The following NCKAP5 variants were observed in gnomAD, a reference collection of about 807,000 sequenced individuals.
NCKAP5 encodes nck-associated protein 5.
In NCKAP5, 92 loss-of-function variants were observed where a neutral mutation model predicts 167.0. The ratio of observed to expected loss-of-function variants is 0.55; its 90% CI spans 0.47 to 0.66. The LOEUF (loss-of-function observed/expected upper bound fraction) is 0.66. Ranked by LOEUF, NCKAP5 falls within the 30% of genes least tolerant of loss-of-function variation. The probability of loss-of-function intolerance (pLI) is 0.00; values close to 1 mark genes in which losing one functional copy is unlikely to be tolerated. For synonymous variants in NCKAP5, 891 were observed against 877.4 expected (o/e 1.02, Z -0.27); for missense variants, 2,378 against 2,315.0 (o/e 1.03, Z -0.56).
At chr2:133,532,862 T>G (rs1356790102) in intron 2 of NCKAP5, among the ~76,000 whole-genome samples, 1 of 152,186 alleles carries the variant, frequency 6.6e-6, no homozygotes, top group Non-Finnish European at 1.5e-5. Context: ...ATTTTAGTAT[T>G]TTTCATTGTC....
intron 4 of NCKAP5, among the ~76,000 whole-genome samples, chr2:133,237,384 G>A (rs2087472634): frequency 6.6e-6 from 1 of 152,050 alleles, no homozygotes; most frequent in Admixed American, 6.6e-5. Flanking sequence ...TAAAAGGATA[G>A]CAAAAGAATA....
chr2:133,266,359 G>T (rs1328477286), intron 4 of NCKAP5: 1 of 153,362 alleles, frequency 6.5e-6, no homozygotes, highest in Non-Finnish European at 1.4e-5. Context: ...GGCAGAGAGG[G>T]GTCAAGGAGA....
At chr2:132,741,477 G>C (rs1679187146) in intron 16 of NCKAP5, among the ~76,000 whole-genome samples, 1 of 152,038 alleles carries the variant, frequency 6.6e-6, no homozygotes, top group Admixed American at 6.6e-5. Context: ...TCTGACTTAG[G>C]AACTCACAGT....
At chr2:133,310,591 G>A (rs555680510) in intron 3 of NCKAP5, among the ~76,000 whole-genome samples, 2 of 152,304 alleles carry the variant, frequency 1.3e-5, no homozygotes, top group South Asian at 4.1e-4. Flanking sequence ...AGCATGGCCT[G>A]TGCTGCTCAA....
At chr2:133,207,141 C>A (rs1384947547) in intron 5 of NCKAP5, among the ~76,000 whole-genome samples, 1 of 152,098 alleles carries the variant, frequency 6.6e-6, no homozygotes, top group African/African-American at 2.4e-5. Flanking sequence ...TGCACCCCCT[C>A]CCCTTTTAAA....
At chr2:133,525,799 C>A (rs1005901945) in intron 2 of NCKAP5, among the ~76,000 whole-genome samples, 1 of 152,230 alleles carries the variant, frequency 6.6e-6, no homozygotes, top group Admixed American at 6.5e-5. Flanking sequence ...ATCAAGCCAG[C>A]TGTCCCATGT....
chr2:132,773,836 A>T lies in NCKAP5; in HGVS notation c.5108T>A (p.Val1703Glu), dbSNP rs773305976. Residue 1703 changes from valine to glutamate, a missense_variant, in exon 16 of 20, where the codon GTA (valine) becomes GAA (glutamate). Physicochemically the swap from Val to Glu is moderately radical, Grantham distance 121. This residue lies in a region of NCKAP5 where 1,325 missense variants were observed against 1,274.5 expected (regional missense o/e 1.04). Transcript: ENST00000409261. Reference protein sequence around the residue: ...EDEDDAVADSVFQSHIIESNC... With the variant: ...EDEDDAVADSEFQSHIIESNC... ...TTTACCTATGATGTGGCTCTGAAATACAGAATCTGCAACTGCATCGTCTTC... is the reference window on the plus strand; with the variant it reads ...TTTACCTATGATGTGGCTCTGAAATTCAGAATCTGCAACTGCATCGTCTTC... 90 of 1,611,444 alleles carry T rather than the reference A, an allele frequency of 5.6e-5. No individual in the cohort carries two copies. Among genetic ancestry groups the T allele is most frequent in the Non-Finnish European group, 7.5e-5 (89 of 1,179,170 alleles).
At chr2:132,953,024 T>C (rs1044881402) in intron 8 of NCKAP5, among the ~76,000 whole-genome samples, 5 of 152,220 alleles carry the variant, frequency 3.3e-5, no homozygotes, top group African/African-American at 1.2e-4. Flanking sequence ...GTTTTAAACA[T>C]AGATGTTGTT....
chr2:132,723,826 G>C (rs530733880), intron 19 of NCKAP5, among the ~76,000 whole-genome samples: 113 of 152,248 alleles, frequency 7.4e-4, no homozygotes, highest in African/African-American at 2.6e-3. Flanking sequence ...AGTTGATCCT[G>C]CTTCTTCAGT....
intron 8 of NCKAP5, among the ~76,000 whole-genome samples, chr2:132,893,284 C>T (rs890302431): frequency 1.3e-5 from 2 of 152,192 alleles, no homozygotes; most frequent in Admixed American, 6.5e-5. Context: ...TAGCTTCTGA[C>T]CCAGCAACGC....
intron 3 of NCKAP5, among the ~76,000 whole-genome samples, chr2:133,373,281 A>G (rs1685921088): frequency 6.6e-6 from 1 of 151,786 alleles, no homozygotes; most frequent in Non-Finnish European, 1.5e-5. Flanking sequence ...CTGGTCTTGA[A>G]CTCCAGGCCT....
At chr2:133,465,694 T>C (rs200529535) in intron 3 of NCKAP5, among the ~76,000 whole-genome samples, 11,937 of 151,850 alleles carry the variant, frequency 0.079, 931 homozygotes, top group East Asian at 0.39. Flanking sequence ...TTTTAATGAT[T>C]GCCATTCTAA....
intron 16 of NCKAP5, among the ~76,000 whole-genome samples, chr2:132,734,601 G>A (rs992590579): frequency 3.3e-5 from 5 of 152,130 alleles, no homozygotes; most frequent in African/African-American, 7.2e-5. Context: ...TTGAGAAGAC[G>A]CGTCATCAAA....
At chr2:132,851,530 G>C (rs1558857815) in intron 11 of NCKAP5, among the ~76,000 whole-genome samples, 2 of 152,190 alleles carry the variant, frequency 1.3e-5, no homozygotes. Flanking sequence ...CTTGCCTCTA[G>C]GGTCTGGCCA....
the NCKAP5 span, among the ~76,000 whole-genome samples, chr2:133,602,818 A>G: frequency 6.6e-6 from 1 of 152,300 alleles, no homozygotes; most frequent in East Asian, 1.9e-4. Context: ...CGAAGGACGG[A>G]AAGGGCCTGG....
At chr2:133,535,713 C>T (rs564259746) in intron 2 of NCKAP5, among the ~76,000 whole-genome samples, 2 of 152,248 alleles carry the variant, frequency 1.3e-5, no homozygotes, top group Middle Eastern at 6.8e-3. Context: ...GACAAATCTC[C>T]ATACTGTTTT....
intron 6 of NCKAP5, among the ~76,000 whole-genome samples, chr2:133,095,452 A>G (rs1316246765): frequency 6.6e-6 from 1 of 152,296 alleles, no homozygotes; most frequent in Admixed American, 6.5e-5. Context: ...AGAACTTCTG[A>G]ACTCAAGTCT....
In NCKAP5 at chr2:133,407,571, T is replaced by C. The variant is rs1574898974; in HGVS notation, c.70-104461A>G. The stretch of plus-strand genomic sequence containing the variant: ...GCGCTGTGCCGGCCACTTAACACGC[T>C]GAGCCCAGGGCCTATTGAGAAGAGT... On this transcript the variant is annotated intron_variant, in intron 3 of 19. Transcript: ENST00000409261. Among the ~76,000 whole-genome samples the C allele has an allele frequency of 3.3e-5, 5 of 152,342 alleles. No homozygotes were observed. The South Asian group carries it at 1.0e-3, about 32-fold the overall frequency.
chr2:133,412,447 C>T (rs1574908764), intron 3 of NCKAP5, among the ~76,000 whole-genome samples: 1 of 152,190 alleles, frequency 6.6e-6, no homozygotes, highest in Non-Finnish European at 1.5e-5. Flanking sequence ...GTGCGAGGCT[C>T]TGCCCCACAT....
Sources: allele counts gnomAD v4.1 joint callset (sites outside exome capture counted in the v4.1 genomes callset), GRCh38; gene constraint gnomAD v4.1.1; regional missense constraint gnomAD v4.1.1; transcripts MANE v1.5; gene names NCBI Gene and HGNC (gene_info 2026-07-23, HGNC 2026-07-21).